RFX8: variants seen among roughly 807,000 people sequenced by gnomAD.
RFX8 encodes the protein DNA-binding protein RFX8.
In RFX8, 46 loss-of-function variants were observed where a neutral mutation model predicts 54.6. The observed-to-expected ratio is 0.84, with a 90% CI of 0.67 to 1.08. The LOEUF is 1.08. Ranked by LOEUF, RFX8 falls within the 50% of genes least tolerant of loss-of-function variation. The pLI, the probability that RFX8 is intolerant of heterozygous loss-of-function variation, is 0.00. For missense variants in RFX8, 536 were observed against 562.3 expected (o/e 0.95, Z 0.47); for synonymous variants, 192 against 209.5 (o/e 0.92, Z 0.72).
At chr2:101,436,864 C>G (rs1687809381) in intron 2 of RFX8, among the ~76,000 whole-genome samples, 1 of 152,154 alleles carries the variant, frequency 6.6e-6, no homozygotes, top group Non-Finnish European at 1.5e-5. Context: ...GCAACGATGC[C>G]TGTGCGTCCA....
intron 1 of RFX8, among the ~76,000 whole-genome samples, chr2:101,471,631 T>C (rs1690003101): frequency 6.6e-6 from 1 of 152,128 alleles, no homozygotes; most frequent in Admixed American, 6.6e-5. Flanking sequence ...AGCAAGGAAG[T>C]CAGATCACTG....
intron 2 of RFX8, among the ~76,000 whole-genome samples, chr2:101,426,803 A>G (rs1333426929): frequency 6.6e-6 from 1 of 152,046 alleles, no homozygotes; most frequent in Non-Finnish European, 1.5e-5. Flanking sequence ...CCCCTGGGTT[A>G]CTCCATCAAT....
At chr2:101,406,508 G>A (rs139834281) in intron 9 of RFX8, among the ~76,000 whole-genome samples, 295 of 130,522 alleles carry the variant, frequency 2.3e-3, no homozygotes, top group African/African-American at 7.3e-3. Flanking sequence ...ATTTAATTTT[G>A]GGGGGGAGGG....
In RFX8 at chr2:101,405,935, T is replaced by G. The variant is rs1029548152; in HGVS notation, c.928+8A>C. The G allele has an allele frequency of 6.7e-7, 1 of 1,491,850 alleles. No individual in the cohort carries two copies. The highest frequency in any genetic ancestry group is 9.0e-7 in the Non-Finnish European group (1 of 1,106,032). The allele number at this position is 1,491,850 out of a possible 1,614,324, so 92.4% of individuals were successfully genotyped here. ...GAATACAAAATACTTTCTTATTCTC[T>G]GACTTACCAAAACTATCTCTGTGGC... On this transcript the variant is annotated splice_region_variant and intron_variant, in intron 10 of 11. Coordinates refer to ENST00000428343, the MANE Select transcript of RFX8 (RefSeq NM_001145664.2).
At chr2:101,401,915 C>T (rs1196676668) in intron 11 of RFX8, among the ~76,000 whole-genome samples, 3 of 152,148 alleles carry the variant, frequency 2.0e-5, no homozygotes, top group Non-Finnish European at 4.4e-5. Context: ...CATCAAATGA[C>T]AATGACAAGA....
At position 101,397,590 on chromosome 2, in the gene RFX8, G is replaced by T. The variant is rs966997446; in HGVS notation, c.1380C>A (p.Ser460Arg). The part of the protein sequence containing the change: ...FVIQISDVPQ[S>R]SEDIYFRENN... ...TTTCTCTGAAATAAATATCTTCAGA[G>T]CTTTGGGGTACATCTGATATCTGAA... Residue 460 changes from serine (S) to arginine (R), a missense_variant, in exon 12 of 12, where the codon AGC becomes AGA. Transcript: ENST00000428343. The T allele has an allele frequency of 6.5e-7, 1 of 1,549,836 alleles. No individual in the cohort carries two copies. Among genetic ancestry groups the T allele is most frequent in the Non-Finnish European group, 8.7e-7 (1 of 1,145,990 alleles).
chr2:101,407,648 C>T (rs936791707), intron 9 of RFX8, among the ~76,000 whole-genome samples: 6 of 151,828 alleles, frequency 4.0e-5, no homozygotes, highest in African/African-American at 1.2e-4. Context: ...GCTGAGATTG[C>T]GCCGCTGCAC....
intron 1 of RFX8, among the ~76,000 whole-genome samples, chr2:101,469,041 T>TGTATATATATATAG (rs1689764832): frequency 9.6e-5 from 2 of 20,874 alleles, no homozygotes; most frequent in Admixed American, 3.4e-4. Flanking sequence ...CGTATATATA[T>TGTATATATATATAG]GTATATATAT....
chr2:101,440,541 CTGGG>C (rs1688037923), intron 2 of RFX8, among the ~76,000 whole-genome samples: 1 of 152,152 alleles, frequency 6.6e-6, no homozygotes, highest in Non-Finnish European at 1.5e-5. Flanking sequence ...CATTTCATTG[CTGGG>C]GGAGGAGTGA....
intron 2 of RFX8, chr2:101,429,049 T>C: frequency 7.1e-7 from 1 of 1,404,060 alleles, no homozygotes. Context: ...AGAGAAGTAA[T>C]TTTAGCAAGA....
At chr2:101,449,192 G>A (rs1187544379) in intron 2 of RFX8, among the ~76,000 whole-genome samples, 1 of 147,670 alleles carries the variant, frequency 6.8e-6, no homozygotes, top group African/African-American at 2.5e-5. Context: ...GGCAACACAC[G>A]GTTGGAAAGT....
At chr2:101,435,485 G>A (rs1008793764) in intron 2 of RFX8, among the ~76,000 whole-genome samples, 2 of 152,314 alleles carry the variant, frequency 1.3e-5, no homozygotes, top group African/African-American at 4.8e-5. Context: ...TTTTGCCTAA[G>A]AGGTAGAGAA....
intron 6 of RFX8, among the ~76,000 whole-genome samples, chr2:101,416,815 C>A (rs563281682): frequency 2.0e-5 from 3 of 152,104 alleles, no homozygotes; most frequent in African/African-American, 7.2e-5. Flanking sequence ...AGTTCAGGCT[C>A]GCGCTTGGAA....
At chr2:101,450,847 G>A (rs1442469294) in intron 2 of RFX8, among the ~76,000 whole-genome samples, 1 of 152,182 alleles carries the variant, frequency 6.6e-6, no homozygotes, top group Non-Finnish European at 1.5e-5. Flanking sequence ...GCTCTGTTAT[G>A]TAGACAGGCA....
intron 2 of RFX8, among the ~76,000 whole-genome samples, chr2:101,465,866 C>G (rs2148993617): frequency 6.6e-6 from 1 of 152,270 alleles, no homozygotes; most frequent in East Asian, 1.9e-4. Context: ...CCCTTGGGGC[C>G]ACCTTTAAGG....
At chr2:101,403,583 G>A (rs1240008608) in intron 10 of RFX8, among the ~76,000 whole-genome samples, 1 of 152,172 alleles carries the variant, frequency 6.6e-6, no homozygotes, top group Non-Finnish European at 1.5e-5. Context: ...TCAGGAGATC[G>A]AGACCATCCC....
At chr2:101,451,119 C>T (rs7569232) in intron 2 of RFX8, among the ~76,000 whole-genome samples, 2 of 151,976 alleles carry the variant, frequency 1.3e-5, no homozygotes, top group African/African-American at 4.8e-5. Context: ...CTGCAGCCCA[C>T]ACCTTCCTCC....
chr2:101,420,079 A>G (rs1686775137), intron 4 of RFX8, among the ~76,000 whole-genome samples: 1 of 151,990 alleles, frequency 6.6e-6, no homozygotes, highest in South Asian at 2.1e-4. Flanking sequence ...TTCTCACCTC[A>G]ACTGTGACAA....
intron 2 of RFX8, among the ~76,000 whole-genome samples, chr2:101,428,633 G>C (rs1270553827): frequency 6.6e-6 from 1 of 152,190 alleles, no homozygotes; most frequent in African/African-American, 2.4e-5. Flanking sequence ...CTAATTCAAA[G>C]AGCTGTAACT....
Sources: allele counts gnomAD v4.1 joint callset (sites outside exome capture counted in the v4.1 genomes callset), GRCh38; gene constraint gnomAD v4.1.1; transcripts MANE v1.5; gene names NCBI Gene and HGNC (gene_info 2026-07-23, HGNC 2026-07-21).